Variants in OPRM1 observed in about 807,000 individuals in gnomAD.
OPRM1 encodes mu-type opioid receptor.
OPRM1 carries 27 observed loss-of-function variants against 31.8 expected under a neutral mutation model. The observed-to-expected ratio is 0.85, with a 90% confidence interval of 0.63 to 1.17. The LOEUF is 1.17. OPRM1 is among the 50% of genes most tolerant of loss of function. The pLI is 0.00. For synonymous variants in OPRM1, 196 were observed against 189.9 expected, an observed-to-expected ratio of 1.03 and a Z score of -0.26; for missense variants, 536 against 511.1, an observed-to-expected ratio of 1.05 and a Z score of -0.47.
chr6:154,069,757 A>G (rs1786249720), intron 1 of OPRM1, among the ~76,000 whole-genome samples: 1 of 152,170 alleles, frequency 6.6e-6, no homozygotes, highest in Admixed American at 6.6e-5. Context: ...TATTGAAAAG[A>G]CTTCCCTTTC....
chr6:154,038,481 G>C (rs1191117513), upstream of OPRM1, among the ~76,000 whole-genome samples: 1 of 152,106 alleles, frequency 6.6e-6, no homozygotes, highest in Non-Finnish European at 1.5e-5. Flanking sequence ...ATATTATGTG[G>C]CTTTTCCTAG....
intron 3 of OPRM1, among the ~76,000 whole-genome samples, chr6:154,116,277 A>AT (rs1796861522): frequency 6.6e-6 from 1 of 152,152 alleles, no homozygotes; most frequent in Admixed American, 6.5e-5. Context: ...GTTTCATGAG[A>AT]TTTTATTGAC....
At chr6:154,137,997 T>C (rs1027466712) in intron 3 of OPRM1, among the ~76,000 whole-genome samples, 5 of 152,152 alleles carry the variant, frequency 3.3e-5, no homozygotes, top group African/African-American at 9.7e-5. Flanking sequence ...GCATTGGAAA[T>C]AGAGATATAA....
chr6:154,184,570 G>GA (rs1342850948), intron 3 of OPRM1, among the ~76,000 whole-genome samples: 1 of 151,820 alleles, frequency 6.6e-6, no homozygotes, highest in Non-Finnish European at 1.5e-5. Context: ...TTGGTACATA[G>GA]AAAAAATACA....
In OPRM1 at chr6:154,121,211, T is replaced by C. The variant is rs745533770; in HGVS notation, c.*2490T>C. Among the ~76,000 whole-genome samples the C allele has an allele frequency of 3.3e-5, 5 of 152,194 alleles. No individual in the cohort carries two copies. Among genetic ancestry groups the C allele is most frequent in the Non-Finnish European group, 7.4e-5 (5 of 68,016 alleles). On this transcript the variant is annotated 3_prime_UTR_variant, in exon 4 of 4. Coordinates refer to ENST00000330432, the MANE Select transcript of OPRM1 (RefSeq NM_000914.5). ...ATCCCAGAAATGCAGACTGTAGCTA[T>C]GGGGCGGAAGCTTTGTTTCTTTACC...
intron 1 of OPRM1, among the ~76,000 whole-genome samples, chr6:154,046,483 C>A (rs979266036): frequency 1.3e-5 from 2 of 152,142 alleles, no homozygotes; most frequent in African/African-American, 2.4e-5. Flanking sequence ...CTCCCTTTTC[C>A]ATTAATTTCA....
rs1241945039 is a variant in OPRM1, at chr6:154,126,434, A to G, written c.*7713A>G. Among the ~76,000 whole-genome samples the G allele has an allele frequency of 6.6e-6, 1 of 152,208 alleles. No homozygotes were observed. The highest frequency in any genetic ancestry group is 1.5e-5 in the Non-Finnish European group (1 of 68,044). ...AATTCTGGGAAGGAGAACAACAATT[A>G]TATTCCCCCATTTCAAGAAGGGCAG... On this transcript the variant is annotated 3_prime_UTR_variant, in exon 4 of 4. Transcript: ENST00000330432.
At chr6:154,152,390 A>AAGAGAGAGAGAAAGAGAG (rs1193986554) in intron 3 of OPRM1, among the ~76,000 whole-genome samples, 1 of 126,198 alleles carries the variant, frequency 7.9e-6, no homozygotes, top group African/African-American at 3.1e-5. Context: ...GAAAGAAAGA[A>AAGAGAGAGAGAAAGAGAG]AGAGAAATAG....
At chr6:154,112,481 A>C (rs898674263) in intron 3 of OPRM1, among the ~76,000 whole-genome samples, 3 of 152,224 alleles carry the variant, frequency 2.0e-5, no homozygotes, top group Non-Finnish European at 4.4e-5. Context: ...GCAGCTGAGG[A>C]GTTCAGAGAT....
At chr6:154,106,919 A>G (rs1454562126) in intron 3 of OPRM1, among the ~76,000 whole-genome samples, 1 of 152,218 alleles carries the variant, frequency 6.6e-6, no homozygotes, top group African/African-American at 2.4e-5. Context: ...GTTTTATTTT[A>G]CCAATAATCT....
chr6:154,031,341 C>T, intron 1 of OPRM1, among the ~76,000 whole-genome samples: 1 of 152,154 alleles, frequency 6.6e-6, no homozygotes, highest in East Asian at 1.9e-4. Flanking sequence ...CTACACTACT[C>T]TCCTGGCAAC....
At chr6:154,115,171 C>T (rs563113008) in intron 3 of OPRM1, among the ~76,000 whole-genome samples, 2 of 152,256 alleles carry the variant, frequency 1.3e-5, no homozygotes, top group East Asian at 3.9e-4. Flanking sequence ...GTGGTCCTTA[C>T]AAGAGAAGGA....
intron 1 of OPRM1, chr6:154,086,818 A>T: frequency 1.0e-6 from 1 of 985,410 alleles, no homozygotes; most frequent in Non-Finnish European, 1.2e-6. Flanking sequence ...TAGATCATGC[A>T]GGTCTATAAC....
Position 154,124,063 on chromosome 6 carries a change from T to C in OPRM1, c.*5342T>C, listed in dbSNP as rs1332191822. ...GGTTCAAACACCTCTGACACTTGAA[T>C]TACAAATATAAGGACCATTGACACT... On this transcript the variant is annotated 3_prime_UTR_variant, in exon 4 of 4. Transcript: ENST00000330432. 6.6e-6 allele frequency among the ~76,000 whole-genome samples: 1 copy of C among 152,070 alleles called. No homozygotes were observed. Among genetic ancestry groups the C allele is most frequent in the Non-Finnish European group, 1.5e-5 (1 of 68,008 alleles).
At chr6:154,091,663 T>A in intron 3 of OPRM1, 191 bp downstream of exon 3, 2 of 1,384,228 alleles carry the variant, frequency 1.4e-6, no homozygotes. Context: ...CTGTACATAT[T>A]CATTTAGGTA....
intron 3 of OPRM1, among the ~76,000 whole-genome samples, chr6:154,211,611 A>T (rs1777972154): frequency 6.6e-6 from 1 of 152,196 alleles, no homozygotes; most frequent in Non-Finnish European, 1.5e-5. Flanking sequence ...CCAGTGGGAA[A>T]AAAAGGCACT....
intron 3 of OPRM1, among the ~76,000 whole-genome samples, chr6:154,116,524 G>A (rs1285598371): frequency 1.3e-5 from 2 of 150,706 alleles, no homozygotes; most frequent in African/African-American, 4.9e-5. Flanking sequence ...GGTGGAGGTT[G>A]CAGTCAGGCA....
chr6:154,215,940 G>T (rs1469153653), intron 3 of OPRM1, among the ~76,000 whole-genome samples: 1 of 152,144 alleles, frequency 6.6e-6, no homozygotes, highest in Non-Finnish European at 1.5e-5. Flanking sequence ...TTCACCACTG[G>T]ATTGGAAAAA....
At chr6:154,167,623 T>C (rs1352984962) in intron 3 of OPRM1, among the ~76,000 whole-genome samples, 1 of 152,204 alleles carries the variant, frequency 6.6e-6, no homozygotes, top group East Asian at 1.9e-4. Context: ...GTATAAGGGT[T>C]AAAAAACAAA....
Sources: gnomAD v4.1 joint callset for allele counts (sites outside exome capture counted in the v4.1 genomes callset) on GRCh38, gnomAD v4.1.1 for gene constraint, MANE v1.5 for transcripts, NCBI Gene and HGNC (gene_info 2026-07-23, HGNC 2026-07-21) for gene names.